CKAP2: variants seen among roughly 807,000 people sequenced by gnomAD.
CKAP2 encodes cytoskeleton associated protein 2.
A neutral mutation model predicts 58.4 loss-of-function variants in CKAP2; 46 were observed. That is an observed-to-expected ratio of 0.79 (90% confidence interval 0.62 to 1.01). CKAP2 has a LOEUF of 1.01. CKAP2 is among the 50% of genes least tolerant of loss of function. The pLI is 0.00. For synonymous variants in CKAP2, 293 were observed against 280.9 expected (o/e 1.04, Z -0.43); for missense variants, 809 against 796.4 (o/e 1.02, Z -0.19).
intron 2 of CKAP2, among the ~76,000 whole-genome samples, chr13:52,457,978 AGT>A (rs759464885): frequency 1.8e-4 from 28 of 152,360 alleles, no homozygotes; most frequent in South Asian, 8.3e-4. Context: ...CTGGGTAAAG[AGT>A]GTACAGATAT....
At position 52,468,295 on chromosome 13, in the gene CKAP2, A is replaced by G. The variant is rs1428001584; in HGVS notation, c.1494A>G (p.Arg498=). The change falls in exon 7 of 9, where the codon CGA becomes CGG. Residue 498 remains arginine (R), a synonymous_variant. Transcript: ENST00000258607. ...LAGAQPIEEM[R]HTIVDILTMK... ...AAATTAAGCCTATTGAAGAGATGCG[A>G]CACACGATTGTAGATATTCTAACAA... 6.3e-7 allele frequency: 1 copy of G among 1,599,732 alleles called. No individual in the cohort carries two copies. Among genetic ancestry groups the G allele is most frequent in the East Asian group, 2.2e-5 (1 of 44,690 alleles).
rs774573058 is a variant in CKAP2 at position 52,473,897 on chromosome 13, G to A, written c.1615G>A (p.Val539Ile). The change falls in exon 8 of 9, where the codon GTT (valine) becomes ATT (isoleucine). Residue 539 changes from valine (V) to isoleucine (I), a missense_variant. Physicochemically the swap from Val to Ile is conservative, Grantham distance 29 (BLOSUM62 3). Transcript: ENST00000258607. The part of the protein sequence containing the change: ...VKEVSIEDTG[V>I]DVDPEKLEME... ...AGAAGTCAGTATTGAAGATACAGGT[G>A]TTGATGTAGATCCAGAAAAACTGGA... 4.3e-6 allele frequency: 7 copies of A among 1,613,820 alleles called. No individual in the cohort carries two copies. The highest frequency in any genetic ancestry group is 5.1e-6 in the Non-Finnish European group (6 of 1,179,770).
At chr13:52,462,133 T>G (rs1001823638) in intron 4 of CKAP2, among the ~76,000 whole-genome samples, 12 of 152,228 alleles carry the variant, frequency 7.9e-5, no homozygotes, top group Non-Finnish European at 1.5e-5. Context: ...AAATCTAAGG[T>G]AAATGCTTAA....
chr13:52,457,213 G>A (rs192556241), intron 2 of CKAP2, among the ~76,000 whole-genome samples: 1 of 152,078 alleles, frequency 6.6e-6, no homozygotes, highest in Non-Finnish European at 1.5e-5. Flanking sequence ...CGTTTTCTAC[G>A]TAAATTAATT....
In CKAP2 at chr13:52,455,533, C is replaced by G. The variant is rs767416626; in HGVS notation, c.-24C>G. ...TTCTATCTTGGCGCTAAAGCGGAGACGCATCCCCCGACCCGAGGCTACGAT... is the reference window on the plus strand; with the variant it reads ...TTCTATCTTGGCGCTAAAGCGGAGAGGCATCCCCCGACCCGAGGCTACGAT... On this transcript the variant is annotated 5_prime_UTR_variant, in exon 1 of 9. Transcript: ENST00000258607. 1 of 1,612,506 alleles carries G rather than the reference C, an allele frequency of 6.2e-7. No homozygotes were observed. The highest frequency in any genetic ancestry group is 1.3e-5 in the African/African-American group (1 of 74,910).
At position 52,455,556 on chromosome 13, in the gene CKAP2, G is replaced by A; in HGVS notation, c.-1G>A. The A allele has an allele frequency of 6.2e-7, 1 of 1,612,902 alleles. No individual in the cohort carries two copies. Among genetic ancestry groups the A allele is most frequent in the Non-Finnish European group, 8.5e-7 (1 of 1,179,806 alleles). ...GACGCATCCCCCGACCCGAGGCTAC[G>A]ATGAGCACACCGGCCGTGCCCCAGG... On this transcript the variant is annotated 5_prime_UTR_variant, in exon 1 of 9. Transcript: ENST00000258607.
At position 52,460,895 on chromosome 13, in the gene CKAP2, G is replaced by A; in HGVS notation, c.156-4G>A. ...GATCATTTTGTTTGTTTGTTTTTAA[G>A]TAGTAGAGATCAGAGAGTTGTGACA... On this transcript the variant is annotated splice_region_variant and splice_polypyrimidine_tract_variant and intron_variant, in intron 2 of 8. Coordinates refer to ENST00000258607, the MANE Select transcript of CKAP2 (RefSeq NM_018204.5). The A allele has an allele frequency of 1.2e-6, 2 of 1,612,306 alleles. No individual in the cohort carries two copies. The highest frequency in any genetic ancestry group is 1.1e-5 in the South Asian group (1 of 90,942).
chr13:52,460,531 G>A (rs12867131), intron 2 of CKAP2, among the ~76,000 whole-genome samples: 9 of 149,998 alleles, frequency 6.0e-5, no homozygotes, highest in African/African-American at 2.2e-4. Context: ...TGCGAACTCC[G>A]CCTCCCGGGT....
At position 52,473,870 on chromosome 13, in the gene CKAP2, AAAG is replaced by A; in HGVS notation, c.1592_1594del (p.Glu531del). On this transcript the variant is annotated inframe_deletion, in exon 8 of 9. Coordinates refer to ENST00000258607, the MANE Select transcript of CKAP2 (RefSeq NM_018204.5). ...GTCTTGTGCAAGCAAGGAAGAAGTC[AAAG>A]AAGTCAGTATTGAAGATACAGGTGT... The A allele has an allele frequency of 6.2e-7, 1 of 1,613,114 alleles. No homozygotes were observed. The highest frequency in any genetic ancestry group is 8.5e-7 in the Non-Finnish European group (1 of 1,179,556).
chr13:52,470,695 T>G (rs1267903870), intron 7 of CKAP2, among the ~76,000 whole-genome samples: 1 of 152,170 alleles, frequency 6.6e-6, no homozygotes, highest in Non-Finnish European at 1.5e-5. Context: ...TCATCATGGA[T>G]TATTTCAATT....
In CKAP2 at chr13:52,474,034, G is replaced by C. The variant is rs762095482; in HGVS notation, c.1752G>C (p.Arg584Ser). Residue 584 changes from arginine to serine, a missense_variant, in exon 8 of 9, where the codon AGG becomes AGC. Arg to Ser is a moderately radical substitution (Grantham distance 110). This residue lies in a region of CKAP2 where 283 missense variants were observed against 287.6 expected (regional missense o/e 0.98). Coordinates refer to ENST00000258607, the MANE Select transcript of CKAP2 (RefSeq NM_018204.5). ...HDVKTPNTET[R>S]TSCLIKYNVS... ...TTAAAACCCCCAATACAGAAACGAG[G>C]ACAAGTTGCTTAATTAAATATAATG... 6.2e-7 allele frequency: 1 copy of C among 1,613,864 alleles called. No homozygotes were observed. The highest frequency in any genetic ancestry group is 2.2e-5 in the East Asian group (1 of 44,848).
chr13:52,463,707 T>C (rs9536085), intron 5 of CKAP2, among the ~76,000 whole-genome samples: 8,428 of 152,250 alleles, frequency 0.055, 259 homozygotes, highest in South Asian at 0.085. Context: ...GGAAGTGGGT[T>C]CTCTAGGGAT....
At chr13:52,460,024 A>G (rs1209363996) in intron 2 of CKAP2, among the ~76,000 whole-genome samples, 1 of 151,478 alleles carries the variant, frequency 6.6e-6, no homozygotes, top group Non-Finnish European at 1.5e-5. Flanking sequence ...ACACCCAACT[A>G]ATTTTTTATT....
chr13:52,462,310 CAG>C (rs985785165), intron 4 of CKAP2, 51 bp from the exon 5 acceptor site: 15 of 1,482,956 alleles, frequency 1.0e-5, no homozygotes, highest in African/African-American at 8.5e-5. Context: ...CTTTATTTGA[CAG>C]AGTTCTGTCA....
chr13:52,459,075 G>A (rs551040302), intron 2 of CKAP2, among the ~76,000 whole-genome samples: 4 of 152,230 alleles, frequency 2.6e-5, no homozygotes, highest in African/African-American at 9.6e-5. Flanking sequence ...CCACTGGACA[G>A]GTGAGTAAGA....
chr13:52,463,995 T>A (rs2137849891), intron 5 of CKAP2, among the ~76,000 whole-genome samples: 1 of 152,324 alleles, frequency 6.6e-6, no homozygotes, highest in African/African-American at 2.4e-5. Flanking sequence ...GATTTTCAGA[T>A]TAGGGATACT....
At chr13:52,474,777 A>C in intron 8 of CKAP2, 118 bp from the exon 9 acceptor site, 1 of 1,006,270 alleles carries the variant, frequency 9.9e-7, no homozygotes, top group Non-Finnish European at 1.4e-6. Context: ...CTAAAAGACA[A>C]TTAAATGCTT....
At chr13:52,465,736 T>A in intron 6 of CKAP2, 1 of 532,226 alleles carries the variant, frequency 1.9e-6, no homozygotes, top group Non-Finnish European at 3.6e-6. Flanking sequence ...TTTAGCATAT[T>A]ATTGTATGCA....
chr13:52,455,814 C>T (rs1177362707), intron 1 of CKAP2, among the ~76,000 whole-genome samples, 188 bp downstream of exon 1: 1 of 152,240 alleles, frequency 6.6e-6, no homozygotes, highest in East Asian at 1.9e-4. Context: ...AAACAGGAAC[C>T]GCTGCGTGGT....
Sources: allele counts gnomAD v4.1 joint callset (sites outside exome capture counted in the v4.1 genomes callset), GRCh38; gene constraint gnomAD v4.1.1; regional missense constraint gnomAD v4.1.1; transcripts MANE v1.5; gene names NCBI Gene and HGNC (gene_info 2026-07-23, HGNC 2026-07-21).